The following VAC14 variants were observed in gnomAD, a reference collection of about 807,000 sequenced individuals.
VAC14 encodes the protein protein VAC14 homolog.
VAC14 carries 47 observed loss-of-function variants against 85.3 expected under a neutral mutation model. The observed-to-expected ratio is 0.55, with a 90% CI of 0.44 to 0.70. The LOEUF (loss-of-function observed/expected upper bound fraction) is 0.70. VAC14 is among the 30% of genes least tolerant of loss of function. The pLI, the probability that VAC14 is intolerant of heterozygous loss-of-function variation, is 0.00. For synonymous variants in VAC14, 447 were observed against 430.5 expected, an observed-to-expected ratio of 1.04 and a Z score of -0.47; for missense variants, 861 against 1,004.3, an observed-to-expected ratio of 0.86 and a Z score of 1.93.
chr16:70,697,159 G>A lies in VAC14; in HGVS notation c.1935C>T (p.Ala645=). ...LCFLTQNYRH[A]YDLIQKFGDL... is the part of the protein sequence containing the mutation. Reference sequence around the variant, plus strand: ...GATACAACTTCTGGATGAGGTCATAGGCGTGCCGGTAGTTCTGGGTGAGGA... The same window carrying A: ...GATACAACTTCTGGATGAGGTCATAAGCGTGCCGGTAGTTCTGGGTGAGGA... The change falls in exon 16 of 19, where the codon GCC becomes GCT. Residue 645 remains alanine, a synonymous_variant. Transcript: ENST00000261776. 6.2e-7 allele frequency: 1 copy of A among 1,613,788 alleles called. No individual in the cohort carries two copies. The highest frequency in any genetic ancestry group is 1.3e-5 in the African/African-American group (1 of 75,068).
intron 12 of VAC14, chr16:70,747,428 A>G (rs1276393666): frequency 6.6e-6 from 1 of 150,614 alleles, no homozygotes; most frequent in Non-Finnish European, 1.5e-5. Flanking sequence ...ACTAAAAGTT[A>G]CTCTATGGTA....
chr16:70,741,293 C>T (rs763371449), intron 13 of VAC14, among the ~76,000 whole-genome samples: 5 of 152,360 alleles, frequency 3.3e-5, no homozygotes, highest in Non-Finnish European at 5.9e-5. Flanking sequence ...GAGCAGCTTG[C>T]GGAGGGATGA....
intron 18 of VAC14, 96 bp downstream of exon 18, chr16:70,692,725 G>C: frequency 6.7e-7 from 1 of 1,488,414 alleles, no homozygotes; most frequent in Non-Finnish European, 9.0e-7. Context: ...AGTGAGGGAG[G>C]CCTCAGCAGC....
rs769590328 is a variant in VAC14, at chr16:70,698,623, C to T, written c.1836+14G>A. 19 of 1,613,624 alleles carry T rather than the reference C, an allele frequency of 1.2e-5. No homozygotes were observed. Among genetic ancestry groups the T allele is most frequent in the East Asian group, 4.5e-5 (2 of 44,876 alleles). On this transcript the variant is annotated intron_variant, in intron 15 of 18. Coordinates refer to ENST00000261776, the MANE Select transcript of VAC14 (RefSeq NM_018052.5). ...CAGGAGACGCCTGAGGATGGAGTCCCGGACGCAGCCTACCAGGGTCTTCAG... is the reference window on the plus strand; with the variant it reads ...CAGGAGACGCCTGAGGATGGAGTCCTGGACGCAGCCTACCAGGGTCTTCAG...
intron 14 of VAC14, among the ~76,000 whole-genome samples, chr16:70,721,194 C>G (rs369917282): frequency 9.5e-4 from 144 of 152,254 alleles, no homozygotes; most frequent in African/African-American, 1.2e-3. Flanking sequence ...GAATAAGGGA[C>G]AGGCCGGCAT....
intron 13 of VAC14, among the ~76,000 whole-genome samples, chr16:70,733,932 C>T (rs969718081): frequency 5.3e-5 from 8 of 152,180 alleles, no homozygotes; most frequent in Non-Finnish European, 1.2e-4. Flanking sequence ...AAGCAATTCT[C>T]CTGCATCAGC....
At position 70,783,033 on chromosome 16, in the gene VAC14, C is replaced by G; in HGVS notation, c.811G>C (p.Asp271His). ...NILVIHCQTT[D>H]DLIQLTAMCW... ...CTGTGGGCCCTCCCCCAATACTCAC[C>G]TGTTGTCTGGCAGTGGATCACCAGG... Residue 271 changes from aspartate to histidine, a missense_variant and splice_region_variant, in exon 7 of 19, where the codon GAT becomes CAT. Coordinates refer to ENST00000261776, the MANE Select transcript of VAC14 (RefSeq NM_018052.5). 6.2e-7 allele frequency: 1 copy of G among 1,613,952 alleles called. No homozygotes were observed. The highest frequency in any genetic ancestry group is 8.5e-7 in the Non-Finnish European group (1 of 1,179,848).
chr16:70,799,765 AC>A (rs1482040931), intron 1 of VAC14, among the ~76,000 whole-genome samples: 2 of 152,206 alleles, frequency 1.3e-5, no homozygotes, highest in Admixed American at 1.3e-4. Context: ...TGAATGTCAC[AC>A]CACGGAATAG....
chr16:70,738,171 G>A (rs929014716), intron 13 of VAC14, among the ~76,000 whole-genome samples: 2 of 152,218 alleles, frequency 1.3e-5, no homozygotes, highest in African/African-American at 2.4e-5. Context: ...TGGGGAAGGG[G>A]CAGTTTCCCC....
At chr16:70,708,470 T>G (rs1567528999) in intron 14 of VAC14, among the ~76,000 whole-genome samples, 1 of 152,250 alleles carries the variant, frequency 6.6e-6, no homozygotes. Context: ...AACTGTGTTA[T>G]CAGGGTTCTT....
At chr16:70,760,121 G>C (rs986404076) in intron 12 of VAC14, among the ~76,000 whole-genome samples, 1 of 152,178 alleles carries the variant, frequency 6.6e-6, no homozygotes, top group African/African-American at 2.4e-5. Context: ...CTGGAAGTGA[G>C]AGCCTTCGCA....
chr16:70,754,238 G>A (rs1163812428), intron 12 of VAC14, among the ~76,000 whole-genome samples: 1 of 152,218 alleles, frequency 6.6e-6, no homozygotes, highest in African/African-American at 2.4e-5. Flanking sequence ...ACACCACAAG[G>A]TGGGAACATC....
At chr16:70,746,003 T>C (rs2143013667) in intron 12 of VAC14, among the ~76,000 whole-genome samples, 1 of 152,324 alleles carries the variant, frequency 6.6e-6, no homozygotes, top group Middle Eastern at 3.4e-3. Context: ...GCAAAAAGCT[T>C]GTGAGTATAT....
chr16:70,692,108 C>T (rs2053608363), intron 18 of VAC14: 1 of 981,058 alleles, frequency 1.0e-6, no homozygotes, highest in Non-Finnish European at 1.2e-6. Flanking sequence ...GCAAAGCCTC[C>T]AAGGGTTACC....
At chr16:70,791,080 T>G (rs4985367) in intron 1 of VAC14, among the ~76,000 whole-genome samples, 63,824 of 152,100 alleles carry the variant, frequency 0.42, 14,332 homozygotes, top group Non-Finnish European at 0.52. Flanking sequence ...CTCTGACCTC[T>G]GCAGCCTTCC....
intron 10 of VAC14, among the ~76,000 whole-genome samples, chr16:70,767,866 ACTT>A: frequency 6.6e-6 from 1 of 152,280 alleles, no homozygotes; most frequent in Admixed American, 6.5e-5. Flanking sequence ...TTCTTTACAT[ACTT>A]AAAAAGCTTT....
At chr16:70,698,609 T>C in intron 15 of VAC14, 28 bp downstream of exon 15, 1 of 1,612,236 alleles carries the variant, frequency 6.2e-7, no homozygotes, top group Non-Finnish European at 8.5e-7. Context: ...AGGAGACGCC[T>C]GAGGATGGAG....
chr16:70,733,684 T>C (rs1489494315), intron 13 of VAC14, among the ~76,000 whole-genome samples: 1 of 152,012 alleles, frequency 6.6e-6, no homozygotes, highest in East Asian at 1.9e-4. Context: ...TGCTGCCCCT[T>C]TGCCTTCCAC....
intron 18 of VAC14, chr16:70,689,165 T>A (rs2053553393): frequency 1.0e-6 from 1 of 976,604 alleles, no homozygotes; most frequent in Non-Finnish European, 1.2e-6. Flanking sequence ...CTTGAGCATG[T>A]GACTGTTTCC....
Sources: gnomAD v4.1 joint callset for allele counts (sites outside exome capture counted in the v4.1 genomes callset) on GRCh38, gnomAD v4.1.1 for gene constraint, MANE v1.5 for transcripts, NCBI Gene and HGNC (gene_info 2026-07-23, HGNC 2026-07-21) for gene names.